CTTNBP2: variants seen among roughly 807,000 people sequenced by gnomAD.
The protein encoded by CTTNBP2 is cortactin-binding protein 2.
A neutral mutation model predicts 156.9 loss-of-function variants in CTTNBP2; 108 were observed. The ratio of observed to expected loss-of-function variants is 0.69; its 90% CI spans 0.59 to 0.81. The LOEUF is 0.81. Ranked by LOEUF, CTTNBP2 falls within the 30% of genes least tolerant of loss-of-function variation. The probability of loss-of-function intolerance (pLI) is 0.00; values close to 1 mark genes in which losing one functional copy is unlikely to be tolerated. For synonymous variants in CTTNBP2, 767 were observed against 751.8 expected (o/e 1.02, Z -0.33); for missense variants, 1,924 against 2,035.4 (o/e 0.95, Z 1.05).
At chr7:117,854,280 TG>T (rs913710394) in intron 2 of CTTNBP2, among the ~76,000 whole-genome samples, 1 of 152,234 alleles carries the variant, frequency 6.6e-6, no homozygotes, top group Non-Finnish European at 1.5e-5. Context: ...GGGTATGTTT[TG>T]GTCAATCAAA....
At chr7:117,721,023 T>C in intron 20 of CTTNBP2, 44 bp downstream of exon 20, 2 of 1,176,954 alleles carry the variant, frequency 1.7e-6, no homozygotes, top group Non-Finnish European at 2.6e-6. Flanking sequence ...AGTTACTTGA[T>C]TTATCTTTGT....
intron 2 of CTTNBP2, among the ~76,000 whole-genome samples, chr7:117,844,014 G>A (rs951835060): frequency 3.3e-5 from 5 of 151,312 alleles, no homozygotes; most frequent in South Asian, 4.2e-4. Flanking sequence ...GAACCTTGGA[G>A]TCAGAGAAAG....
chr7:117,731,761 G>A (rs1030974931), intron 16 of CTTNBP2, among the ~76,000 whole-genome samples: 5 of 152,180 alleles, frequency 3.3e-5, no homozygotes, highest in African/African-American at 4.8e-5. Context: ...GGGGAAGCCC[G>A]GAGTTAGGTT....
In CTTNBP2 at chr7:117,792,659, C is replaced by T; in HGVS notation, c.537G>A (p.Lys179=). 1 of 1,614,130 alleles carries T rather than the reference C, an allele frequency of 6.2e-7. No homozygotes were observed. The highest frequency in any genetic ancestry group is 8.5e-7 in the Non-Finnish European group (1 of 1,180,012). ...CCTCTATGACTTTGCCTGAGAGCTG[C>T]TTGCACTCTTTGACCAGCATCAGGA... ...QVVLMLVKEC[K]QLSGKVIEEA... is the part of the protein sequence containing the mutation. The change falls in exon 4 of 23, where the codon AAG becomes AAA. Residue 179 remains lysine (K), a synonymous_variant. Transcript: ENST00000160373. This position sits in a 1 kb window ranked among gnomAD's most constrained non-coding sequence, Gnocchi z 4.2.
intron 4 of CTTNBP2, chr7:117,786,361 A>G: frequency 2.3e-6 from 1 of 433,278 alleles, no homozygotes; most frequent in Non-Finnish European, 4.7e-6. Context: ...TTCTTACAAA[A>G]GTAGTATTTT....
At chr7:117,795,371 C>CA (rs998420825) in intron 3 of CTTNBP2, among the ~76,000 whole-genome samples, 53 of 151,172 alleles carry the variant, frequency 3.5e-4, no homozygotes, top group Non-Finnish European at 1.8e-4. Flanking sequence ...CTAACCCCAA[C>CA]AAAAAAAAAT....
intron 16 of CTTNBP2, among the ~76,000 whole-genome samples, chr7:117,734,468 GTTA>G (rs780171176): frequency 6.6e-6 from 1 of 152,150 alleles, no homozygotes; most frequent in Non-Finnish European, 1.5e-5. Flanking sequence ...GTCACTAAAA[GTTA>G]TTATTACTCT....
intron 3 of CTTNBP2, among the ~76,000 whole-genome samples, chr7:117,810,182 G>C (rs1209689391): frequency 1.3e-5 from 2 of 152,162 alleles, no homozygotes; most frequent in African/African-American, 4.8e-5. Flanking sequence ...CTTGAGGTCT[G>C]CAGCTGACAC....
intron 21 of CTTNBP2, among the ~76,000 whole-genome samples, chr7:117,719,239 G>A (rs919409632): frequency 1.3e-5 from 2 of 152,182 alleles, no homozygotes; most frequent in Non-Finnish European, 2.9e-5. Flanking sequence ...ATGAATTGAT[G>A]TGACTTGTAC....
At chr7:117,714,224 A>G (rs1274468535) in intron 22 of CTTNBP2, 2 of 152,206 alleles carry the variant, frequency 1.3e-5, no homozygotes, top group African/African-American at 4.8e-5. Context: ...ATTGCTTGTC[A>G]TGAGTTGGAT....
chr7:117,806,095 G>A lies in CTTNBP2; in HGVS notation c.414+4670C>T, dbSNP rs1015542580. Among the ~76,000 whole-genome samples the A allele has an allele frequency of 9.9e-5, 15 of 152,140 alleles. 1 individual carries two copies. Among genetic ancestry groups the A allele is most frequent in the South Asian group, 6.2e-4 (3 of 4,828 alleles). On this transcript the variant is annotated intron_variant, in intron 3 of 22. Transcript: ENST00000160373. ...TTCGAACCACTTTCAAGCAGGGGCC[G>A]AGGGAAACTTTGCATGGAGCAGTAA...
At chr7:117,825,358 G>C (rs1369074614) in intron 2 of CTTNBP2, among the ~76,000 whole-genome samples, 1 of 152,202 alleles carries the variant, frequency 6.6e-6, no homozygotes, top group Non-Finnish European at 1.5e-5. Flanking sequence ...CTGTTGCAAT[G>C]CTGCTTTCTG....
At chr7:117,712,159 G>A (rs1794097551) in intron 22 of CTTNBP2, among the ~76,000 whole-genome samples, 1 of 152,120 alleles carries the variant, frequency 6.6e-6, no homozygotes, top group African/African-American at 2.4e-5. Context: ...TAACTTTTCT[G>A]CTTTCTACTT....
At chr7:117,759,490 A>T (rs1490729894) in intron 10 of CTTNBP2, among the ~76,000 whole-genome samples, 1 of 152,202 alleles carries the variant, frequency 6.6e-6, no homozygotes, top group East Asian at 1.9e-4. Context: ...AAAACTAGTA[A>T]CATGTTTTGA....
At position 117,711,710 on chromosome 7, in the gene CTTNBP2, A is replaced by G. The variant is rs146134225; in HGVS notation, c.4819T>C (p.Ser1607Pro). 1.1e-4 allele frequency: 184 copies of G among 1,614,038 alleles called. No individual in the cohort carries two copies. In the African/African-American group the frequency reaches 2.1e-3, roughly 18 times the overall value. ...NSKSKTELGV[S>P]RVKSFLPVPR... Reference sequence around the variant, plus strand: ...ACAGGAAGAAAAGATTTAACTCTTGAAACACCCAACTCAGTCTTTGATTTA... The same window carrying G: ...ACAGGAAGAAAAGATTTAACTCTTGGAACACCCAACTCAGTCTTTGATTTA... The change falls in exon 23 of 23, where the codon TCA becomes CCA. Residue 1607 changes from serine to proline, a missense_variant. Ser to Pro is a moderately conservative substitution (Grantham distance 74). Coordinates refer to ENST00000160373, the MANE Select transcript of CTTNBP2 (RefSeq NM_033427.3).
At chr7:117,806,166 A>G (rs1799929072) in intron 3 of CTTNBP2, among the ~76,000 whole-genome samples, 1 of 152,226 alleles carries the variant, frequency 6.6e-6, no homozygotes, top group Non-Finnish European at 1.5e-5. Context: ...GGAAGAGCTC[A>G]GAAGAATGAA....
At chr7:117,745,174 AT>A (rs1406369301) in intron 14 of CTTNBP2, among the ~76,000 whole-genome samples, 1 of 152,222 alleles carries the variant, frequency 6.6e-6, no homozygotes, top group Admixed American at 6.5e-5. Flanking sequence ...CATTAATAAC[AT>A]TACATTAATA....
At chr7:117,864,593 A>C (rs1443015656) in intron 1 of CTTNBP2, among the ~76,000 whole-genome samples, 1 of 110,978 alleles carries the variant, frequency 9.0e-6, no homozygotes, top group Non-Finnish European at 2.2e-5. Flanking sequence ...AAATAACCCC[A>C]GAAGCAAAAA....
chr7:117,733,200 C>T (rs1795499951), intron 16 of CTTNBP2, among the ~76,000 whole-genome samples: 2 of 151,876 alleles, frequency 1.3e-5, no homozygotes, highest in Admixed American at 1.3e-4. Context: ...CAGGACTCAT[C>T]CATTCCCTTG....
Sources: allele counts gnomAD v4.1 joint callset (sites outside exome capture counted in the v4.1 genomes callset), GRCh38; gene constraint gnomAD v4.1.1; non-coding constraint Gnocchi (gnomAD v3.1); transcripts MANE v1.5; gene names NCBI Gene and HGNC (gene_info 2026-07-23, HGNC 2026-07-21).